Variants in CAMK2D observed in about 807,000 individuals in gnomAD.
CAMK2D encodes calcium/calmodulin-dependent protein kinase type II subunit delta.
Under a neutral mutation model 84.0 loss-of-function variants are expected in CAMK2D, and 37 were observed. The ratio of observed to expected loss-of-function variants is 0.44; its 90% CI spans 0.34 to 0.58. The LOEUF (loss-of-function observed/expected upper bound fraction) is 0.58. CAMK2D is among the 20% of genes least tolerant of loss of function. The pLI is 0.02. For synonymous variants in CAMK2D, 202 were observed against 212.5 expected (o/e 0.95, Z 0.43); for missense variants, 448 against 652.5 (o/e 0.69, Z 3.41).
chr4:113,728,465 G>A lies in CAMK2D; in HGVS notation c.160+30855C>T, dbSNP rs559627491. The stretch of plus-strand genomic sequence containing the variant: ...GTCTGTAGAGTGGGAGGATGTTGGG[G>A]GAAAACTGACCAGAAGGAGCATGAA... On this transcript the variant is annotated intron_variant, in intron 2 of 20. Coordinates refer to ENST00000511664, the MANE Select transcript of CAMK2D (RefSeq NM_001321571.2). Among the ~76,000 whole-genome samples the A allele has an allele frequency of 3.1e-3, 471 of 152,224 alleles. 1 individual carries two copies. Among genetic ancestry groups the A allele is most frequent in the African/African-American group, 0.011 (438 of 41,552 alleles).
At chr4:113,561,306 T>A (rs780263638) in intron 4 of CAMK2D, among the ~76,000 whole-genome samples, 4 of 152,082 alleles carry the variant, frequency 2.6e-5, no homozygotes, top group Non-Finnish European at 5.9e-5. Flanking sequence ...AGACCCCGTA[T>A]CTATAAAAAA....
At chr4:113,589,357 A>G (rs990423918) in intron 4 of CAMK2D, among the ~76,000 whole-genome samples, 2 of 152,084 alleles carry the variant, frequency 1.3e-5, no homozygotes, top group East Asian at 3.9e-4. Flanking sequence ...GATATATTCA[A>G]GTTCTGACAG....
chr4:113,592,486 C>CATA (rs1345219512), intron 4 of CAMK2D, among the ~76,000 whole-genome samples: 1 of 152,174 alleles, frequency 6.6e-6, no homozygotes, highest in African/African-American at 2.4e-5. Flanking sequence ...AAGAAGGCAC[C>CATA]AATTTAATAA....
At chr4:113,673,938 T>TAA (rs2099306097) in intron 2 of CAMK2D, among the ~76,000 whole-genome samples, 1 of 152,242 alleles carries the variant, frequency 6.6e-6, no homozygotes, top group Non-Finnish European at 1.5e-5. Flanking sequence ...GGAAGAGGAA[T>TAA]AAAGTTGTTC....
chr4:113,616,277 A>G (rs1488300847), intron 3 of CAMK2D, among the ~76,000 whole-genome samples: 1 of 152,158 alleles, frequency 6.6e-6, no homozygotes, highest in African/African-American at 2.4e-5. Context: ...CTAAAAGTAC[A>G]CAAAGAAAGT....
At chr4:113,582,450 G>A (rs988265790) in intron 4 of CAMK2D, among the ~76,000 whole-genome samples, 3 of 152,078 alleles carry the variant, frequency 2.0e-5, no homozygotes, top group African/African-American at 4.8e-5. Flanking sequence ...AACACATATC[G>A]TCGTGTAACC....
At chr4:113,685,814 G>A (rs112994618) in intron 2 of CAMK2D, among the ~76,000 whole-genome samples, 10,814 of 151,930 alleles carry the variant, frequency 0.071, 486 homozygotes, top group African/African-American at 0.13. Context: ...CTGTAATCCT[G>A]GCACTTTGGG....
chr4:113,636,188 C>T (rs1357134635), intron 3 of CAMK2D, among the ~76,000 whole-genome samples: 5 of 152,196 alleles, frequency 3.3e-5, no homozygotes, highest in African/African-American at 1.2e-4. Context: ...TCCACTGAGA[C>T]AACTCTATCC....
intron 16 of CAMK2D, among the ~76,000 whole-genome samples, chr4:113,471,574 T>C (rs907794170): frequency 2.0e-5 from 3 of 152,188 alleles, no homozygotes; most frequent in Non-Finnish European, 2.9e-5. Context: ...GAAGCCTTGC[T>C]ATCTCCTTTC....
chr4:113,689,726 T>C (rs1010554668), intron 2 of CAMK2D, among the ~76,000 whole-genome samples: 1 of 152,188 alleles, frequency 6.6e-6, no homozygotes, highest in Non-Finnish European at 1.5e-5. Flanking sequence ...ATTTTATTGA[T>C]TGGAATCACA....
rs72903971 is a variant in CAMK2D, at chr4:113,467,839, C to T, written c.1136-2235G>A. Among the ~76,000 whole-genome samples, 646 of 152,118 alleles carry T rather than the reference C, an allele frequency of 4.2e-3. 8 individuals carry two copies. Among genetic ancestry groups the T allele is most frequent in the African/African-American group, 0.014 (590 of 41,494 alleles). ...TGGCAAAAGCTAATGACAGCTGACCCGATTCTGGAATATAAGGGATACGGG... is the reference window on the plus strand; with the variant it reads ...TGGCAAAAGCTAATGACAGCTGACCTGATTCTGGAATATAAGGGATACGGG... On this transcript the variant is annotated intron_variant, in intron 16 of 20. Coordinates refer to ENST00000511664, the MANE Select transcript of CAMK2D (RefSeq NM_001321571.2).
In CAMK2D at chr4:113,743,085, C is replaced by T. The variant is rs1348580667; in HGVS notation, c.160+16235G>A. On this transcript the variant is annotated intron_variant, in intron 2 of 20. Coordinates refer to ENST00000511664, the MANE Select transcript of CAMK2D (RefSeq NM_001321571.2). ...GTTACTGAACATTCCAAAATGACAT[C>T]ATTCTGGCCGTTATTCCTAGAGAAT... 2.3e-4 allele frequency among the ~76,000 whole-genome samples: 35 copies of T among 152,134 alleles called. 1 individual carries two copies. The highest frequency in any genetic ancestry group is 2.3e-3 in the Admixed American group (35 of 15,276).
chr4:113,675,591 A>T (rs1187955071), intron 2 of CAMK2D, among the ~76,000 whole-genome samples: 1 of 152,162 alleles, frequency 6.6e-6, no homozygotes, highest in Non-Finnish European at 1.5e-5. Context: ...TATAAATGGT[A>T]AAGTTCCCAT....
chr4:113,721,727 TC>T (rs1197182005), intron 2 of CAMK2D, among the ~76,000 whole-genome samples: 4 of 152,160 alleles, frequency 2.6e-5, no homozygotes, highest in African/African-American at 9.7e-5. Flanking sequence ...CCGTAAATTA[TC>T]TCTTTGTGGT....
intron 4 of CAMK2D, among the ~76,000 whole-genome samples, chr4:113,596,245 A>C (rs2098925839): frequency 6.6e-6 from 1 of 152,220 alleles, no homozygotes; most frequent in Non-Finnish European, 1.5e-5. Context: ...TTCCAGTTAT[A>C]GTCTTCATGC....
At chr4:113,603,789 A>G (rs201741750) in intron 4 of CAMK2D, among the ~76,000 whole-genome samples, 1 of 142,790 alleles carries the variant, frequency 7.0e-6, no homozygotes, top group East Asian at 2.5e-4. Context: ...ATATATATAT[A>G]TATATATATA....
At chr4:113,533,558 A>G (rs2098471382) in intron 7 of CAMK2D, among the ~76,000 whole-genome samples, 1 of 152,134 alleles carries the variant, frequency 6.6e-6, no homozygotes, top group Admixed American at 6.6e-5. Flanking sequence ...AAATGTATCC[A>G]TTGTAACACA....
chr4:113,460,880 TG>T (rs2097365125), intron 17 of CAMK2D, among the ~76,000 whole-genome samples: 1 of 151,996 alleles, frequency 6.6e-6, no homozygotes, highest in African/African-American at 2.4e-5. Context: ...CTAGTAGAGA[TG>T]GGGTTTCCTT....
At chr4:113,552,877 A>G (rs1299354421) in intron 4 of CAMK2D, among the ~76,000 whole-genome samples, 1 of 152,182 alleles carries the variant, frequency 6.6e-6, no homozygotes, top group African/African-American at 2.4e-5. Context: ...AAAATTGTGA[A>G]GGTGCTCACA....
Sources: allele counts gnomAD v4.1 joint callset (sites outside exome capture counted in the v4.1 genomes callset), GRCh38; gene constraint gnomAD v4.1.1; transcripts MANE v1.5; gene names NCBI Gene and HGNC (gene_info 2026-07-23, HGNC 2026-07-21).